SPINK6: variants seen among roughly 807,000 people sequenced by gnomAD.
The protein encoded by SPINK6 is serine peptidase inhibitor Kazal type 6.
A neutral mutation model predicts 11.7 loss-of-function variants in SPINK6; 13 were observed. That is an observed-to-expected ratio of 1.11 (90% confidence interval 0.72 to 1.76). The LOEUF is 1.76. Among genes scored for constraint, SPINK6 ranks in the 40% most tolerant of loss-of-function variants. SPINK6 has a pLI of 0.00. For synonymous variants in SPINK6, 21 were observed against 31.9 expected, an observed-to-expected ratio of 0.66 and a Z score of 1.15; for missense variants, 98 against 93.7, an observed-to-expected ratio of 1.05 and a Z score of -0.19.
At chr5:148,210,059 T>C (rs1404275841) in intron 2 of SPINK6, among the ~76,000 whole-genome samples, 4 of 113,262 alleles carry the variant, frequency 3.5e-5, no homozygotes, top group African/African-American at 5.6e-5. Flanking sequence ...TATATGTATG[T>C]ATATGTATGT....
chr5:148,210,314 A>G (rs1354642044), intron 2 of SPINK6, among the ~76,000 whole-genome samples: 3 of 23,042 alleles, frequency 1.3e-4, no homozygotes, highest in African/African-American at 4.4e-4. Flanking sequence ...ATACATATAT[A>G]TGTATGTGTT....
At chr5:148,205,875 A>G (rs190579922) in intron 1 of SPINK6, among the ~76,000 whole-genome samples, 161 bp from the exon 2 acceptor site, 175 of 152,124 alleles carry the variant, frequency 1.2e-3, no homozygotes, top group East Asian at 5.0e-3. Context: ...TTAAAAAAAA[A>G]AAGAAGAAGA....
At chr5:148,210,007 C>CAGACACACGTACGTATGT (rs1755557458) in intron 2 of SPINK6, among the ~76,000 whole-genome samples, 1 of 105,730 alleles carries the variant, frequency 9.5e-6, no homozygotes, top group Non-Finnish European at 1.8e-5. Context: ...CGTATGTATA[C>CAGACACACGTACGTATGT]ATGTATGTAC....
chr5:148,212,647 A>AAT (rs973495501), intron 2 of SPINK6, among the ~76,000 whole-genome samples: 8 of 105,766 alleles, frequency 7.6e-5, no homozygotes, highest in African/African-American at 3.3e-4. Flanking sequence ...ATATAATATA[A>AAT]ATATATATAT....
At chr5:148,213,035 A>G (rs1176085522) in intron 2 of SPINK6, among the ~76,000 whole-genome samples, 1 of 150,112 alleles carries the variant, frequency 6.7e-6, no homozygotes, top group East Asian at 2.0e-4. Context: ...TATATACTTG[A>G]TATACTTTAT....
rs146895465 is a variant in SPINK6, at chr5:148,205,205, G to A, written c.59-831G>A. On this transcript the variant is annotated intron_variant, in intron 1 of 3. Transcript: ENST00000325630. Reference sequence around the variant, plus strand: ...TTGGCCATCATTGGAGATGGATTCCGCTAACCCACACTCTCTCTCATTGCA... The same window carrying A: ...TTGGCCATCATTGGAGATGGATTCCACTAACCCACACTCTCTCTCATTGCA... 3.2e-3 allele frequency among the ~76,000 whole-genome samples: 481 copies of A among 152,204 alleles called. 4 individuals carry two copies. Among genetic ancestry groups the A allele is most frequent in the African/African-American group, 0.011 (469 of 41,536 alleles).
At position 148,205,890 on chromosome 5, in the gene SPINK6, G is replaced by A. The variant is rs571994324; in HGVS notation, c.59-146G>A. Reference sequence around the variant, plus strand: ...TTAAAAAAAAAAAGAAGAAGAAGAAGAAAACAAAAACAAACAAAAAAAATA... The same window carrying A: ...TTAAAAAAAAAAAGAAGAAGAAGAAAAAAACAAAAACAAACAAAAAAAATA... On this transcript the variant is annotated intron_variant, in intron 1 of 3. Coordinates refer to ENST00000325630, the MANE Select transcript of SPINK6 (RefSeq NM_205841.4). 637 of 815,910 alleles carry A rather than the reference G, an allele frequency of 7.8e-4. 3 individuals are homozygous for A. In the African/African-American group the frequency reaches 0.01, roughly 13 times the overall value. 50.5% of individuals were successfully genotyped at this position (815,910 alleles called of 1,614,324 possible).
At chr5:148,209,997 C>CACGTATGTGT (rs1561732192) in intron 2 of SPINK6, among the ~76,000 whole-genome samples, 1 of 145,892 alleles carries the variant, frequency 6.9e-6, no homozygotes, top group Non-Finnish European at 1.5e-5. Flanking sequence ...TACATATACA[C>CACGTATGTGT]GTATGTATAC....
At chr5:148,204,052 T>C (rs1755467270) in intron 1 of SPINK6, among the ~76,000 whole-genome samples, 4 of 152,086 alleles carry the variant, frequency 2.6e-5, no homozygotes, top group Admixed American at 1.3e-4. Flanking sequence ...AACTAAGCCC[T>C]GGGACCTTCC....
chr5:148,203,212 AGTTG>A, intron 1 of SPINK6, 58 bp downstream of exon 1: 1 of 1,238,794 alleles, frequency 8.1e-7, no homozygotes, highest in Non-Finnish European at 1.1e-6. Context: ...TATGATGAGT[AGTTG>A]TTTATCATAT....
At chr5:148,206,400 T>G (rs868318289) in intron 2 of SPINK6, among the ~76,000 whole-genome samples, 3 of 152,172 alleles carry the variant, frequency 2.0e-5, no homozygotes, top group Admixed American at 6.6e-5. Flanking sequence ...AAAGGGATAA[T>G]ATTCACTTCA....
chr5:148,211,755 A>G (rs1755601760), intron 2 of SPINK6, among the ~76,000 whole-genome samples: 2 of 152,146 alleles, frequency 1.3e-5, no homozygotes, highest in African/African-American at 4.8e-5. Context: ...AAGTTTGTTC[A>G]TATGCCACTT....
At chr5:148,211,287 G>A (rs140210555) in intron 2 of SPINK6, among the ~76,000 whole-genome samples, 219 of 152,216 alleles carry the variant, frequency 1.4e-3, no homozygotes, top group Middle Eastern at 3.4e-3. Flanking sequence ...GGACATAACA[G>A]CTTTATTTAA....
chr5:148,204,139 TA>T (rs35021075), intron 1 of SPINK6, among the ~76,000 whole-genome samples: 71,483 of 150,316 alleles, frequency 0.48, 17,476 homozygotes, highest in East Asian at 0.72. Context: ...GATGTACAAG[TA>T]AAAAAAAAAT....
At chr5:148,210,625 A>C (rs1046851676) in intron 2 of SPINK6, among the ~76,000 whole-genome samples, 2 of 151,976 alleles carry the variant, frequency 1.3e-5, no homozygotes, top group South Asian at 2.1e-4. Context: ...ATATTAAACT[A>C]TCTAGGAAAT....
intron 2 of SPINK6, among the ~76,000 whole-genome samples, chr5:148,209,983 T>C (rs1191758438): frequency 4.7e-5 from 7 of 149,910 alleles, no homozygotes; most frequent in African/African-American, 1.7e-4. Context: ...TACGTATGTA[T>C]GTATACATAT....
intron 2 of SPINK6, among the ~76,000 whole-genome samples, chr5:148,208,669 G>C (rs767700095): frequency 6.6e-6 from 1 of 152,140 alleles, no homozygotes; most frequent in South Asian, 2.1e-4. Context: ...CTAATATGCT[G>C]ACAACTCTTT....
intron 1 of SPINK6, among the ~76,000 whole-genome samples, chr5:148,204,723 A>G (rs1755475507): frequency 6.6e-6 from 1 of 152,116 alleles, no homozygotes; most frequent in Admixed American, 6.6e-5. Context: ...ACAAATGTCT[A>G]TTAACATTAT....
rs115809885 is a variant in SPINK6, at chr5:148,206,880, C to T, written c.81+822C>T. Reference sequence around the variant, plus strand: ...CCTTTGACATGAAAATTTCTAGACACTACTGCTAACTAATTGGAGTTGGCA... The same window carrying T: ...CCTTTGACATGAAAATTTCTAGACATTACTGCTAACTAATTGGAGTTGGCA... On this transcript the variant is annotated intron_variant, in intron 2 of 3. Coordinates refer to ENST00000325630, the MANE Select transcript of SPINK6 (RefSeq NM_205841.4). 2.5e-3 allele frequency among the ~76,000 whole-genome samples: 380 copies of T among 152,300 alleles called. 1 individual carries two copies. Among genetic ancestry groups the T allele is most frequent in the African/African-American group, 8.7e-3 (361 of 41,564 alleles).
Sources: gnomAD v4.1 joint callset for allele counts (sites outside exome capture counted in the v4.1 genomes callset) on GRCh38, gnomAD v4.1.1 for gene constraint, MANE v1.5 for transcripts, NCBI Gene and HGNC (gene_info 2026-07-23, HGNC 2026-07-21) for gene names.